HS3ST5: variants seen among roughly 807,000 people sequenced by gnomAD.
HS3ST5 encodes the protein heparan sulfate glucosamine 3-O-sulfotransferase 5.
Under a neutral mutation model 25.4 loss-of-function variants are expected in HS3ST5, and 10 were observed. That is an observed-to-expected ratio of 0.39 (90% CI 0.24 to 0.67). HS3ST5 has a LOEUF of 0.67. Among genes scored for constraint, HS3ST5 ranks in the 30% least tolerant of loss-of-function variants. HS3ST5 has a pLI of 0.44. For synonymous variants in HS3ST5, 170 were observed against 162.4 expected (o/e 1.05, Z -0.36); for missense variants, 324 against 420.7 (o/e 0.77, Z 2.01).
chr6:114,168,130 G>A (rs1399734443), intron 3 of HS3ST5, among the ~76,000 whole-genome samples: 1 of 152,042 alleles, frequency 6.6e-6, no homozygotes, highest in Non-Finnish European at 1.5e-5. Flanking sequence ...TCATTGACGG[G>A]GAAGGTTTCT....
At chr6:114,076,109 G>A (rs1485891657) in intron 3 of HS3ST5, among the ~76,000 whole-genome samples, 10 of 152,162 alleles carry the variant, frequency 6.6e-5, no homozygotes, top group Non-Finnish European at 2.9e-5. Context: ...GTAAGAAAAG[G>A]CAGAGACTTG....
At chr6:114,280,999 A>T (rs570998555) in intron 1 of HS3ST5, among the ~76,000 whole-genome samples, 11 of 152,166 alleles carry the variant, frequency 7.2e-5, no homozygotes, top group Non-Finnish European at 1.0e-4. Flanking sequence ...TATAAGAAAG[A>T]TAAGCCTTAT....
Position 114,057,676 on chromosome 6 carries a change from A to G in HS3ST5, c.622T>C (p.Tyr208His). The change falls in exon 5 of 5, where the codon TAC becomes CAC. Residue 208 changes from tyrosine (Y) to histidine (H), a missense_variant. Transcript: ENST00000312719. The stretch of plus-strand genomic sequence containing the variant: ...TCTATGGCCAGCTTCTCAAACTTGT[A>G]ATAAGTTTTGTTCTTCCTCTCCTTC... ...EGKERKNKTYYKFEKLAIDPN... is the reference protein window; with the variant it reads ...EGKERKNKTYHKFEKLAIDPN... 3.7e-6 allele frequency: 6 copies of G among 1,614,112 alleles called. No homozygotes were observed. Among genetic ancestry groups the G allele is most frequent in the Non-Finnish European group, 5.1e-6 (6 of 1,180,026 alleles).
chr6:114,121,173 A>T (rs1776767176), intron 3 of HS3ST5, among the ~76,000 whole-genome samples: 1 of 152,240 alleles, frequency 6.6e-6, no homozygotes, highest in South Asian at 2.1e-4. Flanking sequence ...TTGAAGCAAA[A>T]GTACTCTTAT....
chr6:114,177,508 C>G (rs1374148851), intron 2 of HS3ST5, among the ~76,000 whole-genome samples: 2 of 152,160 alleles, frequency 1.3e-5, no homozygotes, highest in African/African-American at 2.4e-5. Flanking sequence ...CAATATCCAA[C>G]TCTCAGAAGG....
In HS3ST5 at chr6:114,266,356, A is replaced by G. The variant is rs576105185; in HGVS notation, c.-338-37578T>C. Among the ~76,000 whole-genome samples, 11 of 152,334 alleles carry G rather than the reference A, an allele frequency of 7.2e-5. No homozygotes were observed. In the South Asian group the frequency reaches 2.3e-3, roughly 32 times the overall value. ...CAGAGATAAGGTTAACAAATTAGGA[A>G]ACATTTGGCAAAAAATTTAAGATAA... On this transcript the variant is annotated intron_variant, in intron 1 of 4. Transcript: ENST00000312719.
At chr6:114,235,055 G>A (rs778313723) in intron 1 of HS3ST5, among the ~76,000 whole-genome samples, 24 of 152,140 alleles carry the variant, frequency 1.6e-4, no homozygotes, top group Admixed American at 5.2e-4. Context: ...CCTGGGAGAC[G>A]GAGGTTGCAG....
intron 2 of HS3ST5, among the ~76,000 whole-genome samples, chr6:114,201,333 C>A (rs1781005418): frequency 1.3e-5 from 2 of 152,162 alleles, no homozygotes; most frequent in African/African-American, 2.4e-5. Flanking sequence ...ATGTCTAGAA[C>A]TGGCCACTCC....
At chr6:114,227,780 T>G (rs1334299438) in intron 2 of HS3ST5, among the ~76,000 whole-genome samples, 1 of 152,138 alleles carries the variant, frequency 6.6e-6, no homozygotes, top group Non-Finnish European at 1.5e-5. Flanking sequence ...TATTTTCATC[T>G]TTTAGAAATT....
chr6:114,169,640 A>G (rs189812903), intron 2 of HS3ST5, among the ~76,000 whole-genome samples: 7 of 152,320 alleles, frequency 4.6e-5, no homozygotes, highest in Admixed American at 3.9e-4. Flanking sequence ...AAACATAACA[A>G]AATAAAGCCT....
intron 1 of HS3ST5, chr6:114,235,814 C>T (rs547116335): frequency 6.6e-6 from 1 of 152,302 alleles, no homozygotes; most frequent in East Asian, 1.9e-4. Flanking sequence ...CACAAATTTC[C>T]CTTTGTCTGG....
chr6:114,259,798 G>A (rs757763610), intron 1 of HS3ST5, among the ~76,000 whole-genome samples: 1 of 152,050 alleles, frequency 6.6e-6, no homozygotes, highest in Non-Finnish European at 1.5e-5. Context: ...TGAGGAACAC[G>A]TGCATCAATC....
At chr6:114,075,489 A>G (rs114831711) in intron 3 of HS3ST5, among the ~76,000 whole-genome samples, 32 of 152,342 alleles carry the variant, frequency 2.1e-4, no homozygotes, top group African/African-American at 7.5e-4. Context: ...ACATTACTAA[A>G]GTAACTACTT....
At chr6:114,187,972 A>G (rs1467009397) in intron 2 of HS3ST5, among the ~76,000 whole-genome samples, 2 of 152,214 alleles carry the variant, frequency 1.3e-5, no homozygotes, top group Admixed American at 6.5e-5. Context: ...CTTTAATTAA[A>G]GTATGTACAT....
At chr6:114,127,589 CA>C (rs1345043342) in intron 3 of HS3ST5, among the ~76,000 whole-genome samples, 1 of 151,996 alleles carries the variant, frequency 6.6e-6, no homozygotes, top group Non-Finnish European at 1.5e-5. Context: ...TGAGAACTAT[CA>C]AAATTACCTG....
At chr6:114,116,577 G>T in intron 3 of HS3ST5, among the ~76,000 whole-genome samples, 1 of 152,126 alleles carries the variant, frequency 6.6e-6, no homozygotes. Context: ...ATCTCCAAGA[G>T]CATTAAGAAT....
At chr6:114,279,205 G>A (rs932407820) in intron 1 of HS3ST5, among the ~76,000 whole-genome samples, 1 of 151,970 alleles carries the variant, frequency 6.6e-6, no homozygotes, top group Non-Finnish European at 1.5e-5. Context: ...GTGTTTATCA[G>A]CATTGAATTG....
chr6:114,326,113 C>T (rs1261790582), intron 1 of HS3ST5, among the ~76,000 whole-genome samples: 1 of 151,486 alleles, frequency 6.6e-6, no homozygotes, highest in Admixed American at 6.6e-5. Context: ...AAAGTAGGCC[C>T]ACTGGGCCTG....
chr6:114,168,719 T>C (rs1223738501), intron 2 of HS3ST5, among the ~76,000 whole-genome samples: 2 of 152,178 alleles, frequency 1.3e-5, no homozygotes, highest in East Asian at 3.9e-4. Context: ...TGATCAGAGA[T>C]GGGCTAGGAA....
Sources: gnomAD v4.1 joint callset for allele counts (sites outside exome capture counted in the v4.1 genomes callset) on GRCh38, gnomAD v4.1.1 for gene constraint, MANE v1.5 for transcripts, NCBI Gene and HGNC (gene_info 2026-07-23, HGNC 2026-07-21) for gene names.